ANK1: variants seen among roughly 807,000 people sequenced by gnomAD.
ANK1 encodes ankyrin 1.
Under a neutral mutation model 210.4 loss-of-function variants are expected in ANK1, and 51 were observed. The observed-to-expected ratio is 0.24, with a 90% CI of 0.19 to 0.31. The LOEUF is 0.31. Ranked by LOEUF, ANK1 falls within the 10% of genes least tolerant of loss-of-function variation. The probability of loss-of-function intolerance (pLI) is 1.00; values close to 1 mark genes in which losing one functional copy is unlikely to be tolerated. For synonymous variants in ANK1, 967 were observed against 1,025.9 expected (o/e 0.94, Z 1.10); for missense variants, 2,051 against 2,504.4 (o/e 0.82, Z 3.86).
intron 1 of ANK1, among the ~76,000 whole-genome samples, chr8:41,771,805 C>A (rs1843014653): frequency 6.6e-6 from 1 of 152,162 alleles, no homozygotes; most frequent in Non-Finnish European, 1.5e-5. Context: ...AGCACTTAAA[C>A]CCCCAGCTCG....
rs76420988 is a variant in ANK1, at chr8:41,861,215, A to T, written c.126+35140T>A. 3.1e-3 allele frequency among the ~76,000 whole-genome samples: 473 copies of T among 152,320 alleles called. 4 individuals carry two copies. Among genetic ancestry groups the T allele is most frequent in the African/African-American group, 0.011 (444 of 41,562 alleles). Reference sequence around the variant, plus strand: ...AGGCACTGAATAAAGCCCTCCATCAAATTCAGGGGTCGCTGATGAGCATGT... The same window carrying T: ...AGGCACTGAATAAAGCCCTCCATCATATTCAGGGGTCGCTGATGAGCATGT... On this transcript the variant is annotated intron_variant, in intron 1 of 42. Coordinates refer to the ANK1 transcript ENST00000265709.
chr8:41,787,491 G>A (rs1179760122), intron 1 of ANK1, among the ~76,000 whole-genome samples: 1 of 152,142 alleles, frequency 6.6e-6, no homozygotes, highest in Non-Finnish European at 1.5e-5. Context: ...GGAGAGATAA[G>A]GAACTGGAAA....
intron 1 of ANK1, among the ~76,000 whole-genome samples, chr8:41,802,995 G>GAGAAAGAGGGAAAGAAAGAA (rs1242596948): frequency 1.7e-5 from 1 of 57,492 alleles, no homozygotes; most frequent in Non-Finnish European, 3.3e-5. Context: ...GAGAGAAAGA[G>GAGAAAGAGGGAAAGAAAGAA]AGAAAGAAAG....
intron 14 of ANK1, 52 bp from the exon 15 acceptor site, chr8:41,715,126 G>T: frequency 6.6e-7 from 1 of 1,522,368 alleles, no homozygotes. Context: ...TGTCCTCCCT[G>T]GAGAAAGGGC....
At chr8:41,663,913 C>T (rs555035176) in intron 39 of ANK1, 171 bp from the exon 40 acceptor site, 80 of 681,752 alleles carry the variant, frequency 1.2e-4, no homozygotes, top group African/African-American at 8.7e-4. Context: ...GCTCCCAGGG[C>T]GTGGGCGGCG....
chr8:41,773,661 G>C lies in ANK1; in HGVS notation c.28-15524C>G, dbSNP rs962966863. On this transcript the variant is annotated intron_variant, in intron 1 of 42. Coordinates refer to ENST00000289734, the MANE Select transcript of ANK1 (RefSeq NM_000037.4). ...TACCCCCAGTGTGAAAACTCCATGT[G>C]CTTTTGATATATCCGGCATCTCCCC... 4.5e-4 allele frequency among the ~76,000 whole-genome samples: 68 copies of C among 152,124 alleles called. 1 individual carries two copies. The highest frequency in any genetic ancestry group is 4.3e-3 in the Admixed American group (66 of 15,270).
At chr8:41,803,078 A>AGGAAGGAAGGAGGGAAG in intron 1 of ANK1, among the ~76,000 whole-genome samples, 1 of 75,002 alleles carries the variant, frequency 1.3e-5, no homozygotes, top group South Asian at 5.5e-4. Context: ...GAAGGAAGGA[A>AGGAAGGAAGGAGGGAAG]GGAAGGGAAG....
intron 42 of ANK1, among the ~76,000 whole-genome samples, chr8:41,657,585 C>T (rs1193962829): frequency 6.6e-6 from 1 of 152,214 alleles, no homozygotes; most frequent in African/African-American, 2.4e-5. Context: ...AAGAAGTGCT[C>T]CTCAAATAAG....
intron 2 of ANK1, among the ~76,000 whole-genome samples, chr8:41,737,375 T>TGGTC (rs1029919396): frequency 6.6e-6 from 1 of 152,236 alleles, no homozygotes; most frequent in African/African-American, 2.4e-5. Flanking sequence ...TTCCCTTTTC[T>TGGTC]GGTCTCCATG....
At chr8:41,705,093 T>C (rs1419357174) in intron 18 of ANK1, among the ~76,000 whole-genome samples, 1 of 152,248 alleles carries the variant, frequency 6.6e-6, no homozygotes, top group Non-Finnish European at 1.5e-5. Flanking sequence ...CTTGGGACAT[T>C]CGCTCATGTG....
In ANK1 at chr8:41,696,546, A is replaced by C. The variant is rs779132712; in HGVS notation, c.2777T>G (p.Met926Arg). 1 of 1,613,864 alleles carries C rather than the reference A, an allele frequency of 6.2e-7. No individual in the cohort carries two copies. The highest frequency in any genetic ancestry group is 8.5e-7 in the Non-Finnish European group (1 of 1,179,994). Residue 926 changes from methionine to arginine, a missense_variant, in exon 26 of 43, where the codon ATG becomes AGG. Transcript: ENST00000289734. Reference sequence around the variant, plus strand: ...CAGGCCGTTGTGGCGACTTCCTCTCATGGAACCACCCCGGGCGTCAACCAT... The same window carrying C: ...CAGGCCGTTGTGGCGACTTCCTCTCCTGGAACCACCCCGGGCGTCAACCAT... ...SFMVDARGGS[M>R]RGSRHNGLRV...
intron 37 of ANK1, 117 bp from the exon 38 acceptor site, chr8:41,673,029 T>C (rs1812948398): frequency 8.9e-7 from 1 of 1,126,744 alleles, no homozygotes; most frequent in Non-Finnish European, 1.3e-6. Flanking sequence ...CAGAGATGCA[T>C]GCACATTCGG....
rs1409444643 is a variant in ANK1, at chr8:41,654,092, G to A, written c.*1698C>T. ...GACACTCCCGCAGAGCGGCGGGGCG[G>A]ACGGGGCCGGGCCGTCCACACCGCG... On this transcript the variant is annotated 3_prime_UTR_variant, in exon 43 of 43. Transcript: ENST00000289734. 1.3e-5 allele frequency: 2 copies of A among 152,370 alleles called. No homozygotes were observed. Among genetic ancestry groups the A allele is most frequent in the Non-Finnish European group, 2.9e-5 (2 of 68,006 alleles). 9.4% of individuals were successfully genotyped at this position (152,370 alleles called of 1,614,324 possible). A position where few individuals can be genotyped will look rare whatever the true frequency, so the allele number is the denominator to read the frequency against.
At chr8:41,868,789 G>A (rs1814950519) in intron 1 of ANK1, among the ~76,000 whole-genome samples, 1 of 152,096 alleles carries the variant, frequency 6.6e-6, no homozygotes, top group South Asian at 2.1e-4. Flanking sequence ...TTTTCAGAGG[G>A]GCGTGCAGAG....
At chr8:41,660,175 T>A (rs1012835967) in intron 42 of ANK1, among the ~76,000 whole-genome samples, 18 of 152,152 alleles carry the variant, frequency 1.2e-4, no homozygotes, top group Admixed American at 1.2e-3. Context: ...CTTAAGCTGC[T>A]GAGGTGTCAG....
intron 1 of ANK1, among the ~76,000 whole-genome samples, chr8:41,838,240 G>A (rs1050061774): frequency 6.6e-6 from 1 of 152,192 alleles, no homozygotes; most frequent in Non-Finnish European, 1.5e-5. Flanking sequence ...AAGGTTTGGT[G>A]AATTGCCCAA....
At chr8:41,767,293 C>T (rs937950195) in intron 1 of ANK1, among the ~76,000 whole-genome samples, 11 of 151,510 alleles carry the variant, frequency 7.3e-5, no homozygotes, top group African/African-American at 2.7e-4. Flanking sequence ...CGGCCCCGAT[C>T]CCCGCGCCCC....
chr8:41,774,734 C>G (rs962338156), intron 1 of ANK1, among the ~76,000 whole-genome samples: 1 of 152,230 alleles, frequency 6.6e-6, no homozygotes, highest in Non-Finnish European at 1.5e-5. Flanking sequence ...TCCAAGTGCA[C>G]CCGCATCACC....
chr8:41,748,814 T>C (rs1056443779), intron 2 of ANK1, among the ~76,000 whole-genome samples: 4 of 152,154 alleles, frequency 2.6e-5, no homozygotes, highest in African/African-American at 9.7e-5. Context: ...GGCGGGCAGA[T>C]CACGAGGTCA....
Sources: allele counts gnomAD v4.1 joint callset (sites outside exome capture counted in the v4.1 genomes callset), GRCh38; gene constraint gnomAD v4.1.1; transcripts MANE v1.5; gene names NCBI Gene and HGNC (gene_info 2026-07-23, HGNC 2026-07-21).